Variants in LRP1B observed in about 807,000 individuals in gnomAD.
LRP1B encodes the protein LDL receptor related protein 1B.
LRP1B carries 217 observed loss-of-function variants against 556.6 expected under a neutral mutation model. The ratio of observed to expected loss-of-function variants is 0.39; its 90% confidence interval spans 0.35 to 0.44. The LOEUF is 0.44. LRP1B is among the 20% of genes least tolerant of loss of function. The probability of loss-of-function intolerance (pLI) is 1.00; values close to 1 mark genes in which losing one functional copy is unlikely to be tolerated. For synonymous variants in LRP1B, 2,047 were observed against 1,865.8 expected, an observed-to-expected ratio of 1.10 and a Z score of -2.50; for missense variants, 5,053 against 5,620.8, an observed-to-expected ratio of 0.90 and a Z score of 3.23.
chr2:140,518,889 G>C (rs1161910228), intron 49 of LRP1B, among the ~76,000 whole-genome samples: 2 of 152,118 alleles, frequency 1.3e-5, no homozygotes, highest in Non-Finnish European at 2.9e-5. Context: ...CGGACAATTT[G>C]ACTTCCTCTT....
At chr2:140,671,403 A>C (rs975181496) in intron 41 of LRP1B, among the ~76,000 whole-genome samples, 31 of 152,064 alleles carry the variant, frequency 2.0e-4, no homozygotes, top group African/African-American at 6.5e-4. Context: ...CGCCTGTAGT[A>C]CCAGCTACTT....
intron 3 of LRP1B, among the ~76,000 whole-genome samples, chr2:141,361,442 C>A (rs565282544): frequency 6.6e-5 from 10 of 152,050 alleles, no homozygotes; most frequent in African/African-American, 2.4e-4. Context: ...TGCTGTTATA[C>A]AAATTCTACT....
At chr2:141,614,927 G>A (rs752540845) in intron 2 of LRP1B, among the ~76,000 whole-genome samples, 6 of 152,156 alleles carry the variant, frequency 3.9e-5, no homozygotes, top group Non-Finnish European at 5.9e-5. Flanking sequence ...ACTGCATCCT[G>A]GTATAATAAC....
chr2:141,704,933 T>A (rs972293636), intron 2 of LRP1B, among the ~76,000 whole-genome samples: 2 of 151,972 alleles, frequency 1.3e-5, no homozygotes, highest in African/African-American at 4.8e-5. Flanking sequence ...GTCCCTTATA[T>A]CCTCTTTTCT....
chr2:141,305,471 A>G (rs1440040502), intron 3 of LRP1B, among the ~76,000 whole-genome samples: 1 of 152,112 alleles, frequency 6.6e-6, no homozygotes, highest in South Asian at 2.1e-4. Flanking sequence ...TTTGTTTGTC[A>G]GTTATAAGAT....
chr2:140,347,158 C>CGTA (rs1475823983), intron 77 of LRP1B, among the ~76,000 whole-genome samples: 1 of 151,620 alleles, frequency 6.6e-6, no homozygotes, highest in Admixed American at 6.6e-5. Context: ...GATAAATTGC[C>CGTA]CAAGAGCATG....
intron 18 of LRP1B, among the ~76,000 whole-genome samples, chr2:140,980,193 AT>A (rs1696726209): frequency 6.6e-6 from 1 of 152,048 alleles, no homozygotes; most frequent in Admixed American, 6.6e-5. Flanking sequence ...TTTTCATGAC[AT>A]TTCTTATCTG....
At chr2:140,861,952 C>A (rs984292828) in intron 27 of LRP1B, among the ~76,000 whole-genome samples, 3 of 152,164 alleles carry the variant, frequency 2.0e-5, no homozygotes, top group African/African-American at 7.2e-5. Flanking sequence ...TTTTTCTGAG[C>A]ATTCTTCTTT....
intron 3 of LRP1B, among the ~76,000 whole-genome samples, chr2:141,379,251 T>C (rs943272744): frequency 6.6e-6 from 1 of 152,148 alleles, no homozygotes; most frequent in African/African-American, 2.4e-5. Flanking sequence ...CAAACAGGAA[T>C]TGCATATCTG....
At chr2:141,711,625 T>C (rs1692361492) in intron 2 of LRP1B, among the ~76,000 whole-genome samples, 6 of 152,164 alleles carry the variant, frequency 3.9e-5, no homozygotes, top group Admixed American at 3.9e-4. Context: ...TGCTTTAAAA[T>C]AAAATTCCCT....
At chr2:141,532,069 T>C (rs1208376611) in intron 2 of LRP1B, among the ~76,000 whole-genome samples, 2 of 152,208 alleles carry the variant, frequency 1.3e-5, no homozygotes, top group Non-Finnish European at 2.9e-5. Context: ...ATTCATAATG[T>C]TTGAAATACC....
intron 2 of LRP1B, among the ~76,000 whole-genome samples, chr2:141,760,260 C>T (rs1191293859): frequency 6.6e-6 from 1 of 152,030 alleles, no homozygotes; most frequent in Non-Finnish European, 1.5e-5. Flanking sequence ...GATGGTACAA[C>T]CATTTGATGG....
rs1401293823 is a variant in LRP1B at position 141,005,521 on chromosome 2, C to T, written c.2381-64G>A. On this transcript the variant is annotated intron_variant, in intron 14 of 90. Transcript: ENST00000389484. The stretch of plus-strand genomic sequence containing the variant: ...ATTCACGTTCTTTCTAGGAGGTGAA[C>T]ATAGATGTAATTACATACACTTATA... 3.3e-6 allele frequency: 5 copies of T among 1,528,018 alleles called. No homozygotes were observed. In the Admixed American group the frequency reaches 8.7e-5, roughly 27 times the overall value. 94.7% of individuals were successfully genotyped at this position (1,528,018 alleles called of 1,614,324 possible). A position where few individuals can be genotyped will look rare whatever the true frequency, so the allele number is the denominator to read the frequency against.
At chr2:142,060,899 C>G (rs371635082) in intron 1 of LRP1B, among the ~76,000 whole-genome samples, 2 of 151,856 alleles carry the variant, frequency 1.3e-5, no homozygotes, top group African/African-American at 4.8e-5. Context: ...AAAGCATAAC[C>G]GTGTATGTCC....
At chr2:141,893,441 T>C (rs141729074) in intron 1 of LRP1B, among the ~76,000 whole-genome samples, 2 of 152,182 alleles carry the variant, frequency 1.3e-5, no homozygotes, top group East Asian at 3.9e-4. Context: ...CCTTAGGTGA[T>C]CCACCCACCT....
intron 53 of LRP1B, 107 bp downstream of exon 53, chr2:140,506,689 T>C (rs146227319): frequency 4.9e-5 from 56 of 1,139,244 alleles, no homozygotes; most frequent in Admixed American, 9.0e-5. Context: ...TGGGTGTTGA[T>C]GACACTAAGA....
intron 1 of LRP1B, among the ~76,000 whole-genome samples, chr2:142,125,688 C>A (rs1707619100): frequency 6.6e-6 from 1 of 151,794 alleles, no homozygotes; most frequent in South Asian, 2.1e-4. Flanking sequence ...AATTTCATTT[C>A]TATGTCTCTA....
intron 3 of LRP1B, among the ~76,000 whole-genome samples, chr2:141,364,389 C>G (rs1009031672): frequency 7.4e-5 from 11 of 149,622 alleles, no homozygotes; most frequent in Non-Finnish European, 1.6e-4. Flanking sequence ...ATCATGCACA[C>G]ACAGTGGAAT....
At chr2:141,413,676 G>C (rs796331260) in intron 3 of LRP1B, among the ~76,000 whole-genome samples, 6 of 151,486 alleles carry the variant, frequency 4.0e-5, no homozygotes, top group African/African-American at 1.5e-4. Flanking sequence ...CTTTGGGAGG[G>C]AGAGGCAGGC....
Sources: allele counts gnomAD v4.1 joint callset (sites outside exome capture counted in the v4.1 genomes callset), GRCh38; gene constraint gnomAD v4.1.1; transcripts MANE v1.5; gene names NCBI Gene and HGNC (gene_info 2026-07-23, HGNC 2026-07-21).